The following NELL1 variants were observed in gnomAD, a reference collection of about 807,000 sequenced individuals.
NELL1 encodes the protein protein kinase C-binding protein NELL1.
Under a neutral mutation model 107.4 loss-of-function variants are expected in NELL1, and 76 were observed. The ratio of observed to expected loss-of-function variants is 0.71; its 90% CI spans 0.59 to 0.86. The LOEUF (loss-of-function observed/expected upper bound fraction) is 0.86, where lower values mean the gene tolerates loss of function less well. NELL1 is among the 40% of genes least tolerant of loss of function. The pLI is 0.00. For synonymous variants in NELL1, 353 were observed against 341.2 expected, an observed-to-expected ratio of 1.03 and a Z score of -0.38; for missense variants, 1,024 against 1,005.5, an observed-to-expected ratio of 1.02 and a Z score of -0.25.
intron 4 of NELL1, among the ~76,000 whole-genome samples, chr11:20,850,375 G>A (rs1332021716): frequency 6.6e-6 from 1 of 152,224 alleles, no homozygotes; most frequent in East Asian, 1.9e-4. Context: ...GCTGATTAGA[G>A]TATGAAAGGA....
intron 15 of NELL1, among the ~76,000 whole-genome samples, chr11:21,403,075 G>T (rs560988924): frequency 6.6e-6 from 1 of 151,842 alleles, no homozygotes; most frequent in East Asian, 2.0e-4. Context: ...TGCTGCTGAG[G>T]TGGATGTTAC....
intron 12 of NELL1, among the ~76,000 whole-genome samples, chr11:21,040,029 T>A (rs554420426): frequency 1.3e-5 from 2 of 152,150 alleles, no homozygotes; most frequent in South Asian, 4.1e-4. Context: ...ACAGATAAAA[T>A]ATAAATAAAA....
chr11:20,832,742 T>C (rs1184156256), intron 3 of NELL1, among the ~76,000 whole-genome samples: 1 of 152,236 alleles, frequency 6.6e-6, no homozygotes, highest in African/African-American at 2.4e-5. Flanking sequence ...CTGACATTTA[T>C]TGAGTTCTTA....
At chr11:20,984,563 ATAGGT>A (rs1175009381) in intron 12 of NELL1, among the ~76,000 whole-genome samples, 3 of 152,142 alleles carry the variant, frequency 2.0e-5, no homozygotes, top group Non-Finnish European at 4.4e-5. Flanking sequence ...TTAGAATAGA[ATAGGT>A]TATGTTTCAC....
At chr11:20,674,454 A>G in intron 1 of NELL1, 1 of 1,514,220 alleles carries the variant, frequency 6.6e-7, no homozygotes, top group Non-Finnish European at 8.9e-7. Context: ...GTATCTTTTT[A>G]CACACGGTAA....
chr11:20,928,932 C>T (rs775478423), intron 9 of NELL1, among the ~76,000 whole-genome samples: 24 of 152,082 alleles, frequency 1.6e-4, no homozygotes, highest in African/African-American at 4.3e-4. Flanking sequence ...TAGGAACTTC[C>T]GGATGAAATT....
chr11:21,208,616 T>G (rs1373027241), intron 13 of NELL1, among the ~76,000 whole-genome samples: 1 of 151,948 alleles, frequency 6.6e-6, no homozygotes, highest in African/African-American at 2.4e-5. Context: ...ATATCCTTAT[T>G]TAGGGTTTTG....
At chr11:21,178,902 G>A (rs538654078) in intron 13 of NELL1, among the ~76,000 whole-genome samples, 23 of 151,808 alleles carry the variant, frequency 1.5e-4, no homozygotes, top group Non-Finnish European at 2.6e-4. Context: ...AACCCATGTG[G>A]TTCTCAGAGA....
At chr11:21,552,311 T>G (rs1296890691) in intron 16 of NELL1, among the ~76,000 whole-genome samples, 1 of 151,364 alleles carries the variant, frequency 6.6e-6, no homozygotes, top group African/African-American at 2.4e-5. Flanking sequence ...AAGTTAATGT[T>G]TGTTTGAGTC....
rs912765615 is a variant in NELL1, at chr11:21,488,826, C to CA, written c.1646-45539dup. ...ATTATATAGCAATAAATGCCTACATCAAAAAAAAAGAAAGATTTCAAATAA... is the reference window on the plus strand; with the variant it reads ...ATTATATAGCAATAAATGCCTACATCAAAAAAAAAAGAAAGATTTCAAATAA... On this transcript the variant is annotated intron_variant, in intron 15 of 19. Coordinates refer to ENST00000357134, the MANE Select transcript of NELL1 (RefSeq NM_006157.5). Among the ~76,000 whole-genome samples, 20 of 149,320 alleles carry CA rather than the reference C, an allele frequency of 1.3e-4. No individual in the cohort carries two copies. The East Asian group carries it at 1.6e-3, about 12-fold the overall frequency.
intron 2 of NELL1, among the ~76,000 whole-genome samples, chr11:20,718,533 C>G (rs1242690798): frequency 6.6e-6 from 1 of 151,946 alleles, no homozygotes; most frequent in Non-Finnish European, 1.5e-5. Context: ...GTGCTAGGCA[C>G]AGTACTGGGT....
At chr11:21,130,795 TG>T (rs1429184940) in intron 13 of NELL1, among the ~76,000 whole-genome samples, 1 of 152,194 alleles carries the variant, frequency 6.6e-6, no homozygotes, top group Admixed American at 6.5e-5. Flanking sequence ...GTATGTTCTT[TG>T]GGGCTTTGAA....
intron 4 of NELL1, among the ~76,000 whole-genome samples, chr11:20,871,177 T>C (rs1849188920): frequency 6.6e-6 from 1 of 152,190 alleles, no homozygotes; most frequent in South Asian, 2.1e-4. Context: ...TACTCCAACC[T>C]GAATCCCTTC....
chr11:21,288,045 T>A (rs1032781098), intron 14 of NELL1, among the ~76,000 whole-genome samples: 1 of 143,766 alleles, frequency 7.0e-6, no homozygotes, highest in African/African-American at 2.6e-5. Context: ...AAAGAAAAAA[T>A]AAGGGAAGGA....
intron 14 of NELL1, among the ~76,000 whole-genome samples, chr11:21,276,772 A>C (rs1173436671): frequency 6.6e-6 from 1 of 152,216 alleles, no homozygotes; most frequent in Non-Finnish European, 1.5e-5. Flanking sequence ...ATCTTTGACA[A>C]ACCTGACAAA....
intron 16 of NELL1, among the ~76,000 whole-genome samples, chr11:21,543,557 G>T (rs1046939659): frequency 6.6e-6 from 1 of 151,962 alleles, no homozygotes; most frequent in Non-Finnish European, 1.5e-5. Flanking sequence ...AGAAAAGAAA[G>T]CTCTTCTGGG....
intron 5 of NELL1, among the ~76,000 whole-genome samples, chr11:20,916,430 C>A (rs1322885730): frequency 6.6e-6 from 1 of 151,794 alleles, no homozygotes; most frequent in Non-Finnish European, 1.5e-5. Flanking sequence ...TTAGGATTAG[C>A]GGGATGGGGT....
At chr11:21,173,137 T>C (rs1856641624) in intron 13 of NELL1, among the ~76,000 whole-genome samples, 1 of 151,808 alleles carries the variant, frequency 6.6e-6, no homozygotes, top group Non-Finnish European at 1.5e-5. Flanking sequence ...AAAATTTGAT[T>C]TACCTACAAC....
chr11:21,130,334 GA>G (rs1590663954), intron 13 of NELL1, among the ~76,000 whole-genome samples: 2 of 152,236 alleles, frequency 1.3e-5, no homozygotes, highest in East Asian at 3.9e-4. Context: ...GAGGACGATA[GA>G]AGTCTGGCTA....
Sources: allele counts gnomAD v4.1 joint callset (sites outside exome capture counted in the v4.1 genomes callset), GRCh38; gene constraint gnomAD v4.1.1; transcripts MANE v1.5; gene names NCBI Gene and HGNC (gene_info 2026-07-23, HGNC 2026-07-21).